MSH6: variants seen among roughly 807,000 people sequenced by gnomAD.
MSH6 encodes mutS homolog 6, also known as DNA mismatch repair protein Msh6.
In MSH6, 85 loss-of-function variants were observed where a neutral mutation model predicts 119.1. The ratio of observed to expected loss-of-function variants is 0.71; its 90% CI spans 0.60 to 0.85. The LOEUF is 0.85. Among genes scored for constraint, MSH6 ranks in the 40% least tolerant of loss-of-function variants. The probability of loss-of-function intolerance (pLI) is 0.00; values close to 1 mark genes in which losing one functional copy is unlikely to be tolerated. For synonymous variants in MSH6, 830 were observed against 586.9 expected, an observed-to-expected ratio of 1.41 and a Z score of -5.99; for missense variants, 2,163 against 1,655.3, an observed-to-expected ratio of 1.31 and a Z score of -5.32.
chr2:47,809,419 T>C (rs1433758690), downstream of MSH6: 9 of 689,722 alleles, frequency 1.3e-5, no homozygotes, highest in East Asian at 5.6e-5. Context: ...CAGCTAAGAA[T>C]AGAATTTTCC....
intron 1 of MSH6, among the ~76,000 whole-genome samples, chr2:47,788,099 C>G (rs1050759542): frequency 2.0e-5 from 3 of 152,056 alleles, no homozygotes; most frequent in Non-Finnish European, 4.4e-5. Flanking sequence ...TCTTTTTTGA[C>G]TCAGAAACCA....
At chr2:47,795,615 A>AC (rs1669033462) in intron 2 of MSH6, among the ~76,000 whole-genome samples, 1 of 151,150 alleles carries the variant, frequency 6.6e-6, no homozygotes, top group Non-Finnish European at 1.5e-5. Flanking sequence ...ACAGGCGCAC[A>AC]CCACCACCCT....
At position 47,806,842 on chromosome 2, in the gene MSH6, T is replaced by A. The variant is rs766073664; in HGVS notation, c.4065T>A (p.Thr1355=). 1 of 1,612,286 alleles carries A rather than the reference T, an allele frequency of 6.2e-7. No individual in the cohort carries two copies. Among genetic ancestry groups the A allele is most frequent in the Non-Finnish European group, 8.5e-7 (1 of 1,179,036 alleles). ...CTGAAGCTGTCCATAAATTGCTGAC[T>A]TTGATTAAGGAATTATAGACTGACT... ...VDAEAVHKLL[T]LIKEL Residue 1355 remains threonine, a synonymous_variant, in exon 10 of 10, where the codon ACT becomes ACA. Coordinates refer to ENST00000234420, the MANE Select transcript of MSH6 (RefSeq NM_000179.3).
chr2:47,795,290 A>G (rs796759470), intron 2 of MSH6, among the ~76,000 whole-genome samples: 2 of 152,062 alleles, frequency 1.3e-5, no homozygotes, highest in Admixed American at 6.6e-5. Flanking sequence ...CTGAATATTT[A>G]TTCCTTTTGT....
chr2:47,796,215 A>T lies in MSH6; in HGVS notation c.627+152A>T. The T allele has an allele frequency of 6.9e-6, 6 of 866,662 alleles. No homozygotes were observed. In the South Asian group the frequency reaches 8.9e-5, roughly 13 times the overall value. The allele number at this position is 866,662 out of a possible 1,614,324, so 53.7% of individuals were successfully genotyped here. A position where few individuals can be genotyped will look rare whatever the true frequency, so the allele number is the denominator to read the frequency against. ...CATGCATACTTCTGTAGTTCCCTGGACTGTAGGATAAGTTAGGTTACTTAG... is the reference window on the plus strand; with the variant it reads ...CATGCATACTTCTGTAGTTCCCTGGTCTGTAGGATAAGTTAGGTTACTTAG... On this transcript the variant is annotated intron_variant, in intron 3 of 9. Coordinates refer to ENST00000234420, the MANE Select transcript of MSH6 (RefSeq NM_000179.3).
At position 47,806,852 on chromosome 2, in the gene MSH6, G is replaced by GAATT. The variant is rs575068534; in HGVS notation, c.4077_4080dup (p.Ter1361IlefsTer4). On this transcript the variant is annotated frameshift_variant, in exon 10 of 10. Coordinates refer to ENST00000234420, the MANE Select transcript of MSH6 (RefSeq NM_000179.3). LOFTEE classifies it high-confidence loss of function. ...CCATAAATTGCTGACTTTGATTAAG[G>GAATT]AATTATAGACTGACTACATTGGAAG... 2.3e-5 allele frequency: 37 copies of GAATT among 1,609,996 alleles called. No homozygotes were observed. The highest frequency in any genetic ancestry group is 2.8e-5 in the Non-Finnish European group (33 of 1,177,486).
At position 47,783,543 on chromosome 2, in the gene MSH6, T is replaced by C. The variant is rs41547821; in HGVS notation, c.260+50T>C. The C allele has an allele frequency of 4.3e-6, 6 of 1,396,846 alleles. No homozygotes were observed. In the East Asian group the frequency reaches 8.6e-5, roughly 20 times the overall value. The allele number at this position is 1,396,846 out of a possible 1,614,324, so 86.5% of individuals were successfully genotyped here. A position where few individuals can be genotyped will look rare whatever the true frequency, so the allele number is the denominator to read the frequency against. Reference sequence around the variant, plus strand: ...AGGCGGGGGCATAGCGGCGGGGCGCTTGGAACCCGGCGAGGGGAGGCTCGC... The same window carrying C: ...AGGCGGGGGCATAGCGGCGGGGCGCCTGGAACCCGGCGAGGGGAGGCTCGC... On this transcript the variant is annotated intron_variant, in intron 1 of 9. Transcript: ENST00000234420.
chr2:47,801,360 AG>A (rs1669575243), intron 4 of MSH6: 7 of 58,166 alleles, frequency 1.2e-4, no homozygotes, highest in Non-Finnish European at 1.5e-4. Flanking sequence ...GCCTTTCTTC[AG>A]TTTTTTTTTT....
intron 2 of MSH6, among the ~76,000 whole-genome samples, chr2:47,792,975 A>C (rs1668836524): frequency 6.6e-6 from 1 of 151,224 alleles, no homozygotes; most frequent in South Asian, 2.1e-4. Flanking sequence ...GATCTGGCTA[A>C]AGTAACTTAT....
intron 7 of MSH6, 45 bp downstream of exon 7, chr2:47,805,752 C>T: frequency 7.5e-7 from 1 of 1,327,288 alleles, no homozygotes; most frequent in Non-Finnish European, 1.1e-6. Context: ...ATCTTAAAAA[C>T]ATTTGTACAA....
intron 7 of MSH6, 97 bp downstream of exon 7, chr2:47,805,804 A>T (rs558737240): frequency 2.1e-6 from 2 of 961,114 alleles, no homozygotes; most frequent in South Asian, 2.6e-5. Context: ...ACATTTAAAC[A>T]ATATGAATGT....
At chr2:47,809,731 T>C (rs1427346866), downstream of MSH6, 2 of 1,474,294 alleles carry the variant, frequency 1.4e-6, no homozygotes, top group East Asian at 2.3e-5. Flanking sequence ...TACAAACAAG[T>C]AGATACATCA....
rs3136357 is a variant in MSH6, at chr2:47,805,433, C to T, written c.3557-185C>T. ...CCTCAGGTGATCTGCTTGCCTCGGC[C>T]TCCCAAAGTGCTGGGATTACAGGCG... On this transcript the variant is annotated intron_variant, in intron 6 of 9. Transcript: ENST00000234420. 0.073 allele frequency among the ~76,000 whole-genome samples: 11,079 copies of T among 152,246 alleles called. 573 individuals are homozygous for T. The highest frequency in any genetic ancestry group is 0.11 in the Non-Finnish European group (7,444 of 68,018).
At position 47,804,979 on chromosome 2, in the gene MSH6, A is replaced by G. The variant is rs1558389423; in HGVS notation, c.3508A>G (p.Ile1170Val). Residue 1170 changes from isoleucine (I) to valine (V), a missense_variant, in exon 6 of 10, where the codon ATT (isoleucine) becomes GTT (valine). Transcript: ENST00000234420. The part of the protein sequence containing the change: ...VPAEVCRLTP[I>V]DRVFTRLGAS... ...TGCTGAAGTGTGCAGGCTCACACCA[A>G]TTGATAGAGTGTTTACTAGACTTGG... 6.2e-7 allele frequency: 1 copy of G among 1,614,146 alleles called. No homozygotes were observed. The highest frequency in any genetic ancestry group is 8.5e-7 in the Non-Finnish European group (1 of 1,180,004).
intron 1 of MSH6, chr2:47,789,548 A>G (rs1195904103): frequency 2.6e-6 from 1 of 384,078 alleles, no homozygotes; most frequent in African/African-American, 2.2e-5. Flanking sequence ...ATTTAAAACA[A>G]TTTATACTGT....
rs773837927 is a variant in MSH6 at position 47,800,713 on chromosome 2, C to T, written c.2730C>T (p.Asn910=). The change falls in exon 4 of 10, where the codon AAC becomes AAT. Residue 910 remains asparagine, a synonymous_variant. Transcript: ENST00000234420. The part of the protein sequence containing the change: ...GRFPDLTVEL[N]RWDTAFDHEK... ...TTCCTGATTTGACTGTAGAATTGAA[C>T]CGATGGGATACAGCCTTTGACCATG... The T allele has an allele frequency of 4.3e-6, 7 of 1,613,974 alleles. No homozygotes were observed. In the Admixed American group the frequency reaches 8.3e-5, roughly 19 times the overall value.
intron 1 of MSH6, among the ~76,000 whole-genome samples, chr2:47,789,987 T>C (rs982139694): frequency 3.3e-5 from 5 of 152,152 alleles, no homozygotes; most frequent in Non-Finnish European, 7.4e-5. Flanking sequence ...ACCTGGTCAC[T>C]GTTTTTTATT....
At chr2:47,792,780 T>G (rs987560184) in intron 2 of MSH6, among the ~76,000 whole-genome samples, 2 of 150,632 alleles carry the variant, frequency 1.3e-5, no homozygotes, top group African/African-American at 4.9e-5. Context: ...GATTCCCCCC[T>G]GTTTTAGCCT....
rs1572750809 is a variant in MSH6, at chr2:47,806,900, G to T, written c.*40G>T. 7.0e-7 allele frequency: 1 copy of T among 1,433,556 alleles called. No individual in the cohort carries two copies. Among genetic ancestry groups the T allele is most frequent in the Non-Finnish European group, 9.8e-7 (1 of 1,017,542 alleles). The allele number at this position is 1,433,556 out of a possible 1,614,324, so 88.8% of individuals were successfully genotyped here. A position where few individuals can be genotyped will look rare whatever the true frequency, so the allele number is the denominator to read the frequency against. On this transcript the variant is annotated 3_prime_UTR_variant, in exon 10 of 10. Coordinates refer to ENST00000234420, the MANE Select transcript of MSH6 (RefSeq NM_000179.3). ...AAGCTTTGAGTTGACTTCTGACAAA[G>T]GTGGTAAATTCAGACAACATTATGA...
Sources: allele counts gnomAD v4.1 joint callset (sites outside exome capture counted in the v4.1 genomes callset), GRCh38; gene constraint gnomAD v4.1.1; transcripts MANE v1.5; gene names NCBI Gene and HGNC (gene_info 2026-07-23, HGNC 2026-07-21).